CAMK1: variants seen among roughly 807,000 people sequenced by gnomAD.
CAMK1 encodes calcium/calmodulin dependent protein kinase I.
CAMK1 carries 39 observed loss-of-function variants against 49.1 expected under a neutral mutation model. That is an observed-to-expected ratio of 0.79 (90% CI 0.62 to 1.04). The LOEUF is 1.04. Ranked by LOEUF, CAMK1 falls within the 50% of genes least tolerant of loss-of-function variation. The pLI is 0.00. For synonymous variants in CAMK1, 192 were observed against 185.2 expected (o/e 1.04, Z -0.30); for missense variants, 457 against 472.2 (o/e 0.97, Z 0.30).
At chr3:9,759,848 A>C (rs758893793) in intron 8 of CAMK1, 98 bp from the exon 9 acceptor site, 1 of 1,604,636 alleles carries the variant, frequency 6.2e-7, no homozygotes, top group Admixed American at 1.7e-5. Context: ...CCTGGCATCA[A>C]GACAAAGAGG....
chr3:9,757,652 C>T lies in CAMK1; in HGVS notation c.1031-31G>A. 1 of 1,614,118 alleles carries T rather than the reference C, an allele frequency of 6.2e-7. No homozygotes were observed. The highest frequency in any genetic ancestry group is 8.5e-7 in the Non-Finnish European group (1 of 1,180,006). The stretch of plus-strand genomic sequence containing the variant: ...TGGGAAGACAGAACAGAGGTGGCCG[C>T]AGGGGCAGGCCCTCCACTCCAGCCC... On this transcript the variant is annotated intron_variant, in intron 11 of 11. Transcript: ENST00000256460. The surrounding 1 kb of genome is among the most constrained non-coding windows in gnomAD (Gnocchi z 4.5).
Position 9,765,084 on chromosome 3 carries a change from G to A in CAMK1, c.215+675C>T, listed in dbSNP as rs187868627. On this transcript the variant is annotated intron_variant, in intron 3 of 11. Transcript: ENST00000256460. ...TCTACTAAAAATACAAAAATTAGCC[G>A]GGCGTGGTGGCAGGTGCCTGTAATC... Among the ~76,000 whole-genome samples, 527 of 151,736 alleles carry A rather than the reference G, an allele frequency of 3.5e-3. 7 individuals are homozygous for A. The highest frequency in any genetic ancestry group is 0.023 in the Admixed American group (354 of 15,234).
chr3:9,760,512 G>A (rs2077804540), intron 8 of CAMK1, 144 bp downstream of exon 8: 1 of 729,956 alleles, frequency 1.4e-6, no homozygotes, highest in Admixed American at 2.3e-5. Flanking sequence ...AGGAAGAAGG[G>A]GTAGGGTGTC....
Position 9,761,679 on chromosome 3 carries a change from C to T in CAMK1, c.508G>A (p.Asp170Asn). The change falls in exon 6 of 12, where the codon GAC becomes AAC. Residue 170 changes from aspartate (D) to asparagine (N), a missense_variant. Coordinates refer to ENST00000256460, the MANE Select transcript of CAMK1 (RefSeq NM_003656.5). ...ISDFGLSKMEDPGSVLSTACG... is the reference protein window; with the variant it reads ...ISDFGLSKMENPGSVLSTACG... ...GCGGTGGAGAGCACACTGCCCGGGT[C>T]CTCCATCTTGGAGAGGCCAAAGTCG... is the stretch of plus-strand genomic sequence containing the variant. 2 of 1,614,152 alleles carry T rather than the reference C, an allele frequency of 1.2e-6. No individual in the cohort carries two copies. The highest frequency in any genetic ancestry group is 1.1e-5 in the South Asian group (1 of 91,080).
rs751297478 is a variant in CAMK1, at chr3:9,757,888, T to C, written c.913-42A>G. The C allele has an allele frequency of 1.3e-6, 2 of 1,567,420 alleles. No homozygotes were observed. Among genetic ancestry groups the C allele is most frequent in the South Asian group, 2.3e-5 (2 of 85,832 alleles). The stretch of plus-strand genomic sequence containing the variant: ...TGAAGGGAGAGGGGAGAAAGGACTT[T>C]TGAGAGAGTCAAGTCATGGGGCAGG... On this transcript the variant is annotated intron_variant, in intron 10 of 11. Coordinates refer to ENST00000256460, the MANE Select transcript of CAMK1 (RefSeq NM_003656.5). The surrounding 1 kb of genome is among the most constrained non-coding windows in gnomAD (Gnocchi z 4.5).
rs752480324 is a variant in CAMK1, at chr3:9,761,642, G to A, written c.545C>T (p.Pro182Leu). ...GSVLSTACGT[P>L]GYVAPEVLAQ... ...AGGGCCCTCCGCACCCACGTATCCC[G>A]GAGTTCCACAGGCGGTGGAGAGCAC... Residue 182 changes from proline (P) to leucine (L), a missense_variant, in exon 6 of 12, where the codon CCG becomes CTG. Transcript: ENST00000256460. 16 of 1,614,100 alleles carry A rather than the reference G, an allele frequency of 9.9e-6. No individual in the cohort carries two copies. The highest frequency in any genetic ancestry group is 1.6e-4 in the Middle Eastern group (1 of 6,062).
rs1199233790 is a variant in CAMK1 at position 9,767,740 on chromosome 3, C to T, written c.10G>A (p.Ala4Thr). The change falls in exon 2 of 12, where the codon GCA (alanine) becomes ACA (threonine). Residue 4 changes from alanine (A) to threonine (T), a missense_variant. By Grantham distance (58) the Ala-to-Thr change is moderately conservative (BLOSUM62 0). Coordinates refer to ENST00000256460, the MANE Select transcript of CAMK1 (RefSeq NM_003656.5). Reference protein sequence around the residue: MLGAVEGPRWKQAE... With the variant: MLGTVEGPRWKQAE... ...TGCTTCCACCTGGGGCCTTCCACTGCCCCCAGCATGGCCCACTGCCCCCCG... is the reference window on the plus strand; with the variant it reads ...TGCTTCCACCTGGGGCCTTCCACTGTCCCCAGCATGGCCCACTGCCCCCCG... 1 of 1,613,996 alleles carries T rather than the reference C, an allele frequency of 6.2e-7. No individual in the cohort carries two copies. Among genetic ancestry groups the T allele is most frequent in the Non-Finnish European group, 8.5e-7 (1 of 1,179,972 alleles).
Position 9,761,490 on chromosome 3 carries a change from G to A in CAMK1, c.603C>T (p.Cys201=), listed in dbSNP as rs1355627570. The change falls in exon 7 of 12, where the codon TGC becomes TGT. Residue 201 remains cysteine, a synonymous_variant. Coordinates refer to ENST00000256460, the MANE Select transcript of CAMK1 (RefSeq NM_003656.5). Reference sequence around the variant, plus strand: ...TGTAGGCGATGACACCTATGGACCAGCAATCCACAGCCTTGCTGTAGGGCT... The same window carrying A: ...TGTAGGCGATGACACCTATGGACCAACAATCCACAGCCTTGCTGTAGGGCT... ...AQKPYSKAVD[C]WSIGVIAYIL... 3 of 1,613,238 alleles carry A rather than the reference G, an allele frequency of 1.9e-6. No individual in the cohort carries two copies. The Admixed American group carries it at 5.0e-5, about 27-fold the overall frequency.
chr3:9,768,028 T>G (rs1042881609), intron 1 of CAMK1, among the ~76,000 whole-genome samples: 1 of 152,252 alleles, frequency 6.6e-6, no homozygotes, highest in African/African-American at 2.4e-5. Flanking sequence ...CATTCATTTA[T>G]TCTAGTTCTC....
chr3:9,757,358 TC>T lies in CAMK1; in HGVS notation c.*180del. 6.2e-7 allele frequency: 1 copy of T among 1,613,976 alleles called. No individual in the cohort carries two copies. Among genetic ancestry groups the T allele is most frequent in the Non-Finnish European group, 8.5e-7 (1 of 1,179,962 alleles). ...GACAGCGCTAAGGATGGTTTTATCT[TC>T]CCTTTATTACAAGAAGGAACAATAA... On this transcript the variant is annotated 3_prime_UTR_variant, in exon 12 of 12. Coordinates refer to ENST00000256460, the MANE Select transcript of CAMK1 (RefSeq NM_003656.5). The surrounding 1 kb of genome is among the most constrained non-coding windows in gnomAD (Gnocchi z 4.5).
chr3:9,767,856 A>G, intron 1 of CAMK1, 75 bp from the exon 2 acceptor site: 1 of 1,516,244 alleles, frequency 6.6e-7, no homozygotes, highest in Non-Finnish European at 8.8e-7. Context: ...GGCCCCATTC[A>G]GTCATTCAAC....
At chr3:9,763,788 C>T (rs943738464) in intron 3 of CAMK1, among the ~76,000 whole-genome samples, 8 of 152,162 alleles carry the variant, frequency 5.3e-5, no homozygotes, top group African/African-American at 1.7e-4. Context: ...GAGTTCGAGA[C>T]CAGCCTGGCC....
chr3:9,759,996 A>C, intron 8 of CAMK1: 1 of 457,482 alleles, frequency 2.2e-6, no homozygotes, highest in Non-Finnish European at 3.9e-6. Context: ...TAATCCCAGC[A>C]CTTTGGGAGG....
chr3:9,761,338 T>G (rs1021261457), intron 7 of CAMK1, 123 bp downstream of exon 7: 5 of 940,726 alleles, frequency 5.3e-6, no homozygotes, highest in East Asian at 2.5e-5. Context: ...GGTAATTGAT[T>G]GGTGGAAGGA....
At chr3:9,761,823 C>T (rs973320104) in intron 5 of CAMK1, 66 bp from the exon 6 acceptor site, 45 of 1,586,162 alleles carry the variant, frequency 2.8e-5, no homozygotes, top group Middle Eastern at 3.6e-4. Flanking sequence ...AACCTTCTGC[C>T]GCTCCAAGCA....
At chr3:9,766,144 C>T in intron 2 of CAMK1, 1 of 1,054,106 alleles carries the variant, frequency 9.5e-7, no homozygotes, top group Non-Finnish European at 1.4e-6. Flanking sequence ...GAGAATGAGT[C>T]TCCTGTTGAG....
chr3:9,764,459 T>A (rs927284363), intron 3 of CAMK1, among the ~76,000 whole-genome samples: 2 of 152,074 alleles, frequency 1.3e-5, no homozygotes, highest in African/African-American at 4.8e-5. Context: ...ATTACAGGCA[T>A]GCGCCACCAT....
intron 3 of CAMK1, 124 bp downstream of exon 3, chr3:9,765,635 A>G: frequency 1.7e-6 from 2 of 1,175,138 alleles, no homozygotes; most frequent in Admixed American, 2.2e-5. Flanking sequence ...TGTGATCCCC[A>G]TTTTATAAAG....
chr3:9,760,267 A>C (rs80294311), intron 8 of CAMK1: 1 of 186,228 alleles, frequency 5.4e-6, no homozygotes, highest in East Asian at 1.4e-4. Flanking sequence ...AAAAAAAAAA[A>C]GTTGTTCTTG....
Sources: gnomAD v4.1 joint callset for allele counts (sites outside exome capture counted in the v4.1 genomes callset) on GRCh38, gnomAD v4.1.1 for gene constraint, Gnocchi (gnomAD v3.1) non-coding constraint, MANE v1.5 for transcripts, NCBI Gene and HGNC (gene_info 2026-07-23, HGNC 2026-07-21) for gene names.